NRXN3: variants seen among roughly 807,000 people sequenced by gnomAD.
NRXN3 encodes the protein neurexin III.
NRXN3 carries 32 observed loss-of-function variants against 137.6 expected under a neutral mutation model. The ratio of observed to expected loss-of-function variants is 0.23; its 90% CI spans 0.18 to 0.31. The LOEUF (loss-of-function observed/expected upper bound fraction) is 0.31. NRXN3 is among the 10% of genes least tolerant of loss of function. The probability of loss-of-function intolerance (pLI) is 1.00; values close to 1 mark genes in which losing one functional copy is unlikely to be tolerated. For missense variants in NRXN3, 1,574 were observed against 2,062.5 expected, an observed-to-expected ratio of 0.76 and a Z score of 4.59; for synonymous variants, 798 against 784.5, an observed-to-expected ratio of 1.02 and a Z score of -0.29.
chr14:79,346,016 C>T lies in NRXN3; in HGVS notation c.3263-121205C>T, dbSNP rs373315911. On this transcript the variant is annotated intron_variant, in intron 15 of 20. Transcript: ENST00000335750. The stretch of plus-strand genomic sequence containing the variant: ...CTATCAACCTACATTAGGCCACCAT[C>T]GTTTCTCACCTAAACCACAACTATA... Among the ~76,000 whole-genome samples, 56 of 152,324 alleles carry T rather than the reference C, an allele frequency of 3.7e-4. No individual in the cohort carries two copies. In the East Asian group the frequency reaches 7.3e-3, roughly 20 times the overall value.
At chr14:78,809,979 A>G (rs552029352) in intron 9 of NRXN3, among the ~76,000 whole-genome samples, 33 of 151,622 alleles carry the variant, frequency 2.2e-4, no homozygotes, top group South Asian at 6.3e-4. Flanking sequence ...TAATATTTCA[A>G]AGTCCAGGTT....
chr14:78,227,874 C>T (rs1361150971), intron 1 of NRXN3, among the ~76,000 whole-genome samples: 2 of 152,160 alleles, frequency 1.3e-5, no homozygotes, highest in Non-Finnish European at 2.9e-5. Flanking sequence ...GTGTCTCATC[C>T]TCTAGGAGGC....
intron 10 of NRXN3, among the ~76,000 whole-genome samples, chr14:78,918,285 CAAA>C (rs71454807): frequency 5.8e-5 from 2 of 34,652 alleles, no homozygotes; most frequent in Non-Finnish European, 1.0e-4. Context: ...AACTCCATCT[CAAA>C]AAAAAAAAAA....
chr14:78,645,283 C>T lies in NRXN3; in HGVS notation c.921C>T (p.Asn307=). 6.3e-7 allele frequency: 1 copy of T among 1,598,900 alleles called. No homozygotes were observed. The highest frequency in any genetic ancestry group is 8.5e-7 in the Non-Finnish European group (1 of 1,179,810). ...CGGGCAAGTCGGCTGACTATGTCAA[C>T]CTGGCTCTGAAGGATGGTGCGGTCT... The part of the protein sequence containing the change: ...LHTGKSADYV[N]LALKDGAVSL... Residue 307 remains asparagine, a synonymous_variant, in exon 5 of 21, where the codon AAC becomes AAT. Transcript: ENST00000335750.
intron 4 of NRXN3, among the ~76,000 whole-genome samples, chr14:78,375,363 C>G (rs1197408906): frequency 6.6e-6 from 1 of 152,184 alleles, no homozygotes; most frequent in Non-Finnish European, 1.5e-5. Flanking sequence ...TTTGAGAGAG[C>G]CATCGTCTCA....
At chr14:79,161,401 T>C (rs2153064116) in intron 15 of NRXN3, among the ~76,000 whole-genome samples, 1 of 152,090 alleles carries the variant, frequency 6.6e-6, no homozygotes, top group East Asian at 1.9e-4. Flanking sequence ...AATTGTATTC[T>C]GAAGATAAGA....
chr14:78,600,007 C>T (rs900281124), intron 4 of NRXN3, among the ~76,000 whole-genome samples: 22 of 152,150 alleles, frequency 1.4e-4, no homozygotes, highest in Non-Finnish European at 2.9e-4. Flanking sequence ...TCACAGTTGG[C>T]AGAAGCACCA....
chr14:78,822,628 TCG>T (rs2098954029), intron 10 of NRXN3, among the ~76,000 whole-genome samples: 1 of 150,796 alleles, frequency 6.6e-6, no homozygotes, highest in Admixed American at 6.6e-5. Context: ...TGAGCCGAGA[TCG>T]TGCCACTGGA....
chr14:78,687,460 C>T (rs1014357124), intron 6 of NRXN3, among the ~76,000 whole-genome samples: 2 of 152,124 alleles, frequency 1.3e-5, no homozygotes, highest in Non-Finnish European at 2.9e-5. Context: ...GTAGAGTCAA[C>T]AGGATTTATT....
intron 15 of NRXN3, among the ~76,000 whole-genome samples, chr14:79,458,910 G>C (rs780176057): frequency 9.2e-5 from 14 of 152,108 alleles, no homozygotes; most frequent in Non-Finnish European, 2.1e-4. Flanking sequence ...ATTTAAGTAA[G>C]ATAAAATGAG....
chr14:78,569,525 A>G (rs968613083), intron 4 of NRXN3, among the ~76,000 whole-genome samples: 1 of 151,466 alleles, frequency 6.6e-6, no homozygotes, highest in Non-Finnish European at 1.5e-5. Flanking sequence ...TCGGCCTCCC[A>G]AAGTGCTGGG....
chr14:79,807,895 A>C (rs2140725965), intron 20 of NRXN3, among the ~76,000 whole-genome samples: 1 of 152,304 alleles, frequency 6.6e-6, no homozygotes, highest in African/African-American at 2.4e-5. Context: ...TATTTAATAC[A>C]AGAAGTAGGT....
intron 10 of NRXN3, among the ~76,000 whole-genome samples, chr14:78,872,537 T>C (rs1463897133): frequency 6.6e-5 from 10 of 151,950 alleles, no homozygotes; most frequent in Non-Finnish European, 1.5e-4. Context: ...CTATCCTACA[T>C]TGTCTAGTTA....
chr14:78,258,709 T>C (rs1413665620), intron 2 of NRXN3, among the ~76,000 whole-genome samples: 1 of 152,184 alleles, frequency 6.6e-6, no homozygotes, highest in African/African-American at 2.4e-5. Flanking sequence ...GTGTACCTTC[T>C]TAACCTTCTT....
chr14:78,772,783 G>T (rs1277682870), intron 8 of NRXN3, among the ~76,000 whole-genome samples: 1 of 152,140 alleles, frequency 6.6e-6, no homozygotes, highest in East Asian at 1.9e-4. Flanking sequence ...AAAGTTCTGG[G>T]TGGTATCAGA....
At chr14:79,764,698 T>G (rs1424833301) in intron 19 of NRXN3, among the ~76,000 whole-genome samples, 1 of 152,298 alleles carries the variant, frequency 6.6e-6, no homozygotes, top group South Asian at 2.1e-4. Context: ...CATGTTACTG[T>G]TATGCAGAGA....
intron 16 of NRXN3, chr14:79,632,371 T>C (rs2098362543): frequency 6.5e-6 from 1 of 152,768 alleles, no homozygotes. Flanking sequence ...AGAAGGTCCT[T>C]GGGAGAAGAC....
At chr14:78,682,729 G>A (rs1355541504) in intron 6 of NRXN3, among the ~76,000 whole-genome samples, 3 of 152,100 alleles carry the variant, frequency 2.0e-5, no homozygotes, top group Admixed American at 2.0e-4. Context: ...ATTGGGGTGG[G>A]GCTTGTTGGG....
intron 4 of NRXN3, among the ~76,000 whole-genome samples, chr14:78,623,069 C>A (rs1046610407): frequency 2.0e-5 from 3 of 152,180 alleles, no homozygotes; most frequent in African/African-American, 4.8e-5. Flanking sequence ...TAAACTGAAG[C>A]TTAAAGAGAT....
Sources: gnomAD v4.1 joint callset for allele counts (sites outside exome capture counted in the v4.1 genomes callset) on GRCh38, gnomAD v4.1.1 for gene constraint, MANE v1.5 for transcripts, NCBI Gene and HGNC (gene_info 2026-07-23, HGNC 2026-07-21) for gene names.